The following RETREG1 variants were observed in gnomAD, a reference collection of about 807,000 sequenced individuals.
RETREG1 encodes the protein reticulophagy regulator 1.
In RETREG1, 44 loss-of-function variants were observed where a neutral mutation model predicts 54.8. The observed-to-expected ratio is 0.80, with a 90% CI of 0.63 to 1.03. RETREG1 has a LOEUF of 1.03. RETREG1 is among the 50% of genes least tolerant of loss of function. RETREG1 has a pLI of 0.00. For missense variants in RETREG1, 554 were observed against 605.1 expected (o/e 0.92, Z 0.89); for synonymous variants, 217 against 238.5 (o/e 0.91, Z 0.83).
chr5:16,528,242 A>AT lies in RETREG1; in HGVS notation c.458+37520dup, dbSNP rs201366784. On this transcript the variant is annotated intron_variant, in intron 3 of 8. Coordinates refer to ENST00000306320, the MANE Select transcript of RETREG1 (RefSeq NM_001034850.3). ...ATAAAGAGAAAGTAGGAAAAGCAGC[A>AT]TTTTGAAATTAACATATTATGTAAA... Among the ~76,000 whole-genome samples the AT allele has an allele frequency of 1.0e-3, 158 of 152,362 alleles. 1 individual carries two copies. In the East Asian group the frequency reaches 0.025, roughly 24 times the overall value.
In RETREG1 at chr5:16,573,318, C is replaced by T. The variant is rs1212791958; in HGVS notation, c.321-1216G>A. Among the ~76,000 whole-genome samples, 3 of 151,852 alleles carry T rather than the reference C, an allele frequency of 2.0e-5. No homozygotes were observed. The East Asian group carries it at 5.8e-4, about 29-fold the overall frequency. Reference sequence around the variant, plus strand: ...GGGAAACAAACTAAAAATTATTGACCGTGAGCAGCACACAAACCCTGCAGT... The same window carrying T: ...GGGAAACAAACTAAAAATTATTGACTGTGAGCAGCACACAAACCCTGCAGT... On this transcript the variant is annotated intron_variant, in intron 1 of 8. Transcript: ENST00000306320.
chr5:16,544,040 A>C (rs1206522366), intron 3 of RETREG1, among the ~76,000 whole-genome samples: 7 of 134,062 alleles, frequency 5.2e-5, no homozygotes, highest in African/African-American at 2.0e-4. Flanking sequence ...CAGTGGCTCC[A>C]TCTTGGCTCA....
At chr5:16,612,139 C>T (rs1255283460) in intron 1 of RETREG1, among the ~76,000 whole-genome samples, 1 of 151,548 alleles carries the variant, frequency 6.6e-6, no homozygotes, top group Non-Finnish European at 1.5e-5. Flanking sequence ...GGAAGTCCAA[C>T]CTAGTCAACA....
intron 3 of RETREG1, among the ~76,000 whole-genome samples, chr5:16,491,797 A>G (rs1292647149): frequency 3.3e-5 from 5 of 152,140 alleles, no homozygotes; most frequent in Non-Finnish European, 7.3e-5. Flanking sequence ...CAAAGGCGGG[A>G]GTATCCCTTG....
chr5:16,480,971 G>T, intron 5 of RETREG1, 38 bp downstream of exon 5: 2 of 1,359,258 alleles, frequency 1.5e-6, no homozygotes, highest in Non-Finnish European at 2.1e-6. Flanking sequence ...GATACCATAT[G>T]CATCACAACA....
intron 3 of RETREG1, among the ~76,000 whole-genome samples, chr5:16,513,850 C>G (rs1357138228): frequency 6.6e-6 from 1 of 152,234 alleles, no homozygotes; most frequent in African/African-American, 2.4e-5. Flanking sequence ...TGTGCCCTGC[C>G]ACCTCTGTCC....
intron 3 of RETREG1, among the ~76,000 whole-genome samples, chr5:16,512,275 G>A (rs968890356): frequency 3.9e-4 from 59 of 152,122 alleles, no homozygotes; most frequent in Non-Finnish European, 5.0e-4. Context: ...GGTGACTTGC[G>A]GGTGACAGAG....
rs561276385 is a variant in RETREG1 at position 16,503,214 on chromosome 5, A to G, written c.459-19742T>C. Among the ~76,000 whole-genome samples the G allele has an allele frequency of 3.9e-5, 6 of 152,326 alleles. No individual in the cohort carries two copies. In the South Asian group the frequency reaches 1.2e-3, roughly 32 times the overall value. On this transcript the variant is annotated intron_variant, in intron 3 of 8. Coordinates refer to ENST00000306320, the MANE Select transcript of RETREG1 (RefSeq NM_001034850.3). ...AGATATCTCACGCAAAACAAACTCAACAAACTCTCTTGCATCAAAAAGATT... is the reference window on the plus strand; with the variant it reads ...AGATATCTCACGCAAAACAAACTCAGCAAACTCTCTTGCATCAAAAAGATT...
intron 1 of RETREG1, among the ~76,000 whole-genome samples, chr5:16,613,738 C>G (rs1283812206): frequency 6.6e-6 from 1 of 152,166 alleles, no homozygotes. Flanking sequence ...GGGTTCCCCA[C>G]AGTTTTAAAA....
intron 4 of RETREG1, among the ~76,000 whole-genome samples, chr5:16,482,342 A>T (rs749693858): frequency 6.6e-6 from 1 of 152,158 alleles, no homozygotes; most frequent in Non-Finnish European, 1.5e-5. Flanking sequence ...ACATTAATGC[A>T]ACCCAATGCA....
At chr5:16,488,754 C>A (rs1414119845) in intron 3 of RETREG1, among the ~76,000 whole-genome samples, 1 of 152,120 alleles carries the variant, frequency 6.6e-6, no homozygotes, top group South Asian at 2.1e-4. Flanking sequence ...ATAATCAGTC[C>A]TAAACTAAAT....
intron 3 of RETREG1, among the ~76,000 whole-genome samples, chr5:16,521,545 G>A (rs1478352156): frequency 6.6e-6 from 1 of 152,302 alleles, no homozygotes; most frequent in Non-Finnish European, 1.5e-5. Context: ...AAGTCTCACT[G>A]CTCTTAGCAA....
At chr5:16,609,948 A>G (rs1863997) in intron 1 of RETREG1, among the ~76,000 whole-genome samples, 88,434 of 152,002 alleles carry the variant, frequency 0.58, 26,449 homozygotes, top group Non-Finnish European at 0.67. Context: ...TGAATCACCT[A>G]GAGAGCTGGA....
intron 3 of RETREG1, among the ~76,000 whole-genome samples, chr5:16,505,458 C>A (rs1739913359): frequency 1.3e-5 from 2 of 152,204 alleles, no homozygotes; most frequent in African/African-American, 4.8e-5. Flanking sequence ...TCCGTGACAG[C>A]AGGGGCCTGA....
intron 3 of RETREG1, among the ~76,000 whole-genome samples, chr5:16,496,977 G>T (rs977254696): frequency 2.6e-5 from 4 of 152,130 alleles, no homozygotes; most frequent in African/African-American, 9.7e-5. Flanking sequence ...TTGGGCCCAG[G>T]CACAGGAGTC....
At chr5:16,588,625 GA>G (rs1742678867) in intron 1 of RETREG1, among the ~76,000 whole-genome samples, 1 of 152,212 alleles carries the variant, frequency 6.6e-6, no homozygotes, top group Non-Finnish European at 1.5e-5. Context: ...CTCCCTGCCA[GA>G]AAGGCAAACA....
intron 1 of RETREG1, among the ~76,000 whole-genome samples, chr5:16,610,800 T>C (rs529808203): frequency 6.8e-4 from 104 of 152,328 alleles, no homozygotes; most frequent in African/African-American, 2.4e-3. Flanking sequence ...ACTTTTACAC[T>C]GTTGGTGGGA....
chr5:16,535,244 C>G (rs1008984957), intron 3 of RETREG1, among the ~76,000 whole-genome samples: 3 of 152,210 alleles, frequency 2.0e-5, no homozygotes, highest in African/African-American at 7.2e-5. Flanking sequence ...GGGGTCAATC[C>G]TTGCAAGCTC....
intron 3 of RETREG1, among the ~76,000 whole-genome samples, chr5:16,520,808 C>T (rs886531570): frequency 2.0e-5 from 3 of 152,096 alleles, no homozygotes; most frequent in African/African-American, 7.2e-5. Context: ...AAACAATTTG[C>T]CCCTCACTGG....
Sources: gnomAD v4.1 joint callset for allele counts (sites outside exome capture counted in the v4.1 genomes callset) on GRCh38, gnomAD v4.1.1 for gene constraint, MANE v1.5 for transcripts, NCBI Gene and HGNC (gene_info 2026-07-23, HGNC 2026-07-21) for gene names.